The following MND1 variants were observed in gnomAD, a reference collection of about 807,000 sequenced individuals.
The protein encoded by MND1 is meiotic nuclear divisions 1.
MND1 carries 28 observed loss-of-function variants against 35.1 expected under a neutral mutation model. The observed-to-expected ratio is 0.80, with a 90% CI of 0.59 to 1.09. The LOEUF is 1.09. Ranked by LOEUF, MND1 falls within the 50% of genes least tolerant of loss-of-function variation. The probability of loss-of-function intolerance (pLI) is 0.00; values close to 1 mark genes in which losing one functional copy is unlikely to be tolerated. For missense variants in MND1, 213 were observed against 239.6 expected (o/e 0.89, Z 0.73); for synonymous variants, 69 against 70.5 (o/e 0.98, Z 0.11).
chr4:153,353,075 A>T (rs1216122691), intron 2 of MND1, among the ~76,000 whole-genome samples: 1 of 152,156 alleles, frequency 6.6e-6, no homozygotes, highest in Non-Finnish European at 1.5e-5. Context: ...GGGAATTTAA[A>T]GTATTTGCAA....
chr4:153,348,730 C>G (rs1250253882), intron 1 of MND1, among the ~76,000 whole-genome samples: 2 of 151,974 alleles, frequency 1.3e-5, no homozygotes, highest in African/African-American at 4.8e-5. Context: ...AGGCTGGTCT[C>G]AAACTCCCAG....
At chr4:153,400,918 T>G (rs931623061) in intron 6 of MND1, among the ~76,000 whole-genome samples, 2 of 151,844 alleles carry the variant, frequency 1.3e-5, no homozygotes, top group African/African-American at 4.8e-5. Context: ...AAAAGTTAAG[T>G]GGAAATAGAG....
intron 4 of MND1, among the ~76,000 whole-genome samples, chr4:153,380,872 A>G (rs1332611439): frequency 3.9e-5 from 6 of 151,938 alleles, no homozygotes. Context: ...TGAAGCTTAT[A>G]TGAATTTGTG....
intron 4 of MND1, among the ~76,000 whole-genome samples, chr4:153,391,722 C>T (rs994087097): frequency 1.2e-3 from 76 of 64,708 alleles, no homozygotes; most frequent in African/African-American, 8.4e-3. Flanking sequence ...AGTGAAACTC[C>T]ATCATACACA....
At chr4:153,413,746 T>C (rs913608046) in intron 7 of MND1, among the ~76,000 whole-genome samples, 1 of 151,926 alleles carries the variant, frequency 6.6e-6, no homozygotes, top group African/African-American at 2.4e-5. Flanking sequence ...GTGCAGCCAC[T>C]GTGAGCACAC....
At position 153,361,597 on chromosome 4, in the gene MND1, T is replaced by G. The variant is rs183097332; in HGVS notation, c.276+2975T>G. On this transcript the variant is annotated intron_variant, in intron 4 of 7. Coordinates refer to ENST00000240488, the MANE Select transcript of MND1 (RefSeq NM_032117.4). ...GCTCACGCCTGTAATCCCAGCACTT[T>G]GGGAGGCTGAGGCGGGCAGATCACG... The G allele has an allele frequency of 2.7e-3, 1,221 of 454,974 alleles. 24 individuals are homozygous for G. Among genetic ancestry groups the G allele is most frequent in the Middle Eastern group, 0.012 (31 of 2,504 alleles). The allele number at this position is 454,974 out of a possible 1,614,324, so 28.2% of individuals were successfully genotyped here. A position where few individuals can be genotyped will look rare whatever the true frequency, so the allele number is the denominator to read the frequency against.
At chr4:153,372,147 G>C (rs903703834) in intron 4 of MND1, among the ~76,000 whole-genome samples, 1 of 151,928 alleles carries the variant, frequency 6.6e-6, no homozygotes, top group Admixed American at 6.6e-5. Context: ...ACAGATCACC[G>C]TGACAGATAT....
intron 2 of MND1, among the ~76,000 whole-genome samples, 183 bp downstream of exon 2, chr4:153,350,312 T>G (rs1773183485): frequency 6.6e-6 from 1 of 152,154 alleles, no homozygotes. Context: ...CATATCCCAC[T>G]GTTGGTAGAG....
At chr4:153,413,594 C>T (rs1434260580) in intron 7 of MND1, among the ~76,000 whole-genome samples, 1 of 151,728 alleles carries the variant, frequency 6.6e-6, no homozygotes, top group Non-Finnish European at 1.5e-5. Context: ...TGGAGGGTTG[C>T]CTGAGCCTAG....
At chr4:153,396,304 G>A (rs1015996407) in intron 5 of MND1, among the ~76,000 whole-genome samples, 7 of 152,152 alleles carry the variant, frequency 4.6e-5, no homozygotes, top group African/African-American at 9.7e-5. Flanking sequence ...CTGCTGGGCC[G>A]TGCTGCTTCT....
At chr4:153,368,956 G>A (rs1455917148) in intron 4 of MND1, among the ~76,000 whole-genome samples, 1 of 152,194 alleles carries the variant, frequency 6.6e-6, no homozygotes, top group African/African-American at 2.4e-5. Context: ...CTTGTGACTC[G>A]TGAATCCCAG....
intron 4 of MND1, among the ~76,000 whole-genome samples, chr4:153,374,886 T>C (rs919274092): frequency 6.6e-6 from 1 of 152,138 alleles, no homozygotes; most frequent in Admixed American, 6.6e-5. Context: ...GTGTTAACTT[T>C]GGCGGTTATT....
At chr4:153,411,101 A>T (rs1729670272) in intron 7 of MND1, among the ~76,000 whole-genome samples, 1 of 152,246 alleles carries the variant, frequency 6.6e-6, no homozygotes, top group African/African-American at 2.4e-5. Flanking sequence ...AAGTATAGAA[A>T]TGCCACATCT....
chr4:153,397,539 G>A (rs1033346976), intron 6 of MND1, among the ~76,000 whole-genome samples: 4 of 152,240 alleles, frequency 2.6e-5, no homozygotes, highest in Middle Eastern at 3.4e-3. Flanking sequence ...TTAATGTGCC[G>A]GGCACGTTGG....
chr4:153,362,754 C>T (rs28712333), intron 4 of MND1, among the ~76,000 whole-genome samples: 26 of 152,148 alleles, frequency 1.7e-4, no homozygotes, highest in African/African-American at 3.4e-4. Flanking sequence ...TATTTATGAG[C>T]TCACATTCAA....
At chr4:153,384,452 T>TTTTTTTTTTTTTTTTG (rs1728798388) in intron 4 of MND1, among the ~76,000 whole-genome samples, 1 of 94,108 alleles carries the variant, frequency 1.1e-5, no homozygotes, top group African/African-American at 4.5e-5. Flanking sequence ...AATTTTTTTT[T>TTTTTTTTTTTTTTTTG]TTTTTTTTTT....
At chr4:153,366,645 TTA>T (rs902654843) in intron 4 of MND1, among the ~76,000 whole-genome samples, 3 of 152,238 alleles carry the variant, frequency 2.0e-5, no homozygotes, top group African/African-American at 7.2e-5. Flanking sequence ...TTCTTTGAAG[TTA>T]TATATTTAGA....
At chr4:153,407,791 C>T (rs910185236) in intron 6 of MND1, among the ~76,000 whole-genome samples, 6 of 151,996 alleles carry the variant, frequency 3.9e-5, no homozygotes, top group African/African-American at 4.8e-5. Context: ...TCGTATGTTT[C>T]GTTCATATGA....
intron 3 of MND1, among the ~76,000 whole-genome samples, chr4:153,358,230 C>T (rs567735266): frequency 1.3e-5 from 2 of 152,126 alleles, no homozygotes; most frequent in Non-Finnish European, 2.9e-5. Context: ...GTTCTTAATC[C>T]TGTATATTAC....
Sources: gnomAD v4.1 joint callset for allele counts (sites outside exome capture counted in the v4.1 genomes callset) on GRCh38, gnomAD v4.1.1 for gene constraint, MANE v1.5 for transcripts, NCBI Gene and HGNC (gene_info 2026-07-23, HGNC 2026-07-21) for gene names.